Variants in SMAD1 observed in about 807,000 individuals in gnomAD.
SMAD1 encodes the protein MAD, mothers against decapentaplegic homolog 1.
Under a neutral mutation model 41.6 loss-of-function variants are expected in SMAD1, and 6 were observed. The observed-to-expected ratio is 0.14, with a 90% CI of 0.08 to 0.28. The LOEUF (loss-of-function observed/expected upper bound fraction) is 0.28. Ranked by LOEUF, SMAD1 falls within the 10% of genes least tolerant of loss-of-function variation. The pLI is 1.00. For missense variants in SMAD1, 379 were observed against 582.6 expected (o/e 0.65, Z 3.60); for synonymous variants, 206 against 203.2 (o/e 1.01, Z -0.12).
intron 1 of SMAD1, among the ~76,000 whole-genome samples, chr4:145,495,904 C>A (rs148102634): frequency 4.4e-4 from 66 of 151,714 alleles, no homozygotes; most frequent in Non-Finnish European, 8.5e-4. Flanking sequence ...GCCATTGCAC[C>A]TGGGTCAAGA....
Position 145,553,786 on chromosome 4 carries a change from G to A in SMAD1, c.1000G>A (p.Val334Ile). The A allele has an allele frequency of 6.2e-7, 1 of 1,613,610 alleles. No homozygotes were observed. The highest frequency in any genetic ancestry group is 8.5e-7 in the Non-Finnish European group (1 of 1,179,532). The part of the protein sequence containing the change: ...ENTRRHIGKG[V>I]HLYYVGGEVY... ...TGGTATGCTTTGTCTTCCTATAGGA[G>A]TTCATCTTTATTATGTTGGAGGGGA... Residue 334 changes from valine to isoleucine, a missense_variant and splice_region_variant, in exon 6 of 7, where the codon GTT becomes ATT. Around this residue, in one of 3 missense-constraint regions of SMAD1, gnomAD observed 107 missense variants for 218.3 expected, o/e 0.49. Transcript: ENST00000302085.
At chr4:145,556,485 C>CT (rs1732845641) in intron 6 of SMAD1, among the ~76,000 whole-genome samples, 1 of 151,938 alleles carries the variant, frequency 6.6e-6, no homozygotes, top group African/African-American at 2.4e-5. Flanking sequence ...TTAAGACAGT[C>CT]TCGCTCTGTC....
At position 145,481,965 on chromosome 4, in the gene SMAD1, T is replaced by C. The variant is rs1728201060; in HGVS notation, c.-250T>C. The C allele has an allele frequency of 6.6e-6, 1 of 151,764 alleles. No individual in the cohort carries two copies. Among genetic ancestry groups the C allele is most frequent in the Admixed American group, 6.6e-5 (1 of 15,248 alleles). 9.4% of individuals were successfully genotyped at this position (151,764 alleles called of 1,614,324 possible). A position where few individuals can be genotyped will look rare whatever the true frequency, so the allele number is the denominator to read the frequency against. ...CGGAGAGTGGCGCAGCGCCCGGCCGTCCGGACCCGGGCCGCGAGACCCCGC... is the reference window on the plus strand; with the variant it reads ...CGGAGAGTGGCGCAGCGCCCGGCCGCCCGGACCCGGGCCGCGAGACCCCGC... On this transcript the variant is annotated 5_prime_UTR_variant, in exon 1 of 7. Coordinates refer to ENST00000302085, the MANE Select transcript of SMAD1 (RefSeq NM_005900.3).
intron 5 of SMAD1, among the ~76,000 whole-genome samples, chr4:145,548,508 G>T (rs1376395303): frequency 6.6e-6 from 1 of 152,166 alleles, no homozygotes; most frequent in African/African-American, 2.4e-5. Context: ...AATTACAGGT[G>T]TGTGAGCCAC....
At chr4:145,509,796 A>G (rs1729979684) in intron 1 of SMAD1, among the ~76,000 whole-genome samples, 1 of 152,202 alleles carries the variant, frequency 6.6e-6, no homozygotes, top group African/African-American at 2.4e-5. Flanking sequence ...TTAAATGAAA[A>G]TAATACCAAC....
chr4:145,552,664 T>C (rs530847343), intron 5 of SMAD1, among the ~76,000 whole-genome samples: 1 of 152,320 alleles, frequency 6.6e-6, no homozygotes, highest in African/African-American at 2.4e-5. Context: ...ATCTTACAGC[T>C]TTCGGCAATA....
intron 2 of SMAD1, among the ~76,000 whole-genome samples, chr4:145,537,231 C>T (rs1014289744): frequency 1.3e-5 from 2 of 151,964 alleles, no homozygotes; most frequent in Non-Finnish European, 2.9e-5. Context: ...TTAAATTTCC[C>T]AAGTTTGATA....
chr4:145,553,702 A>C, intron 5 of SMAD1, 82 bp from the exon 6 acceptor site: 1 of 1,240,580 alleles, frequency 8.1e-7, no homozygotes. Context: ...TGTATATTTA[A>C]GTTTCTGTGT....
chr4:145,481,733 G>A (rs1439888363), upstream of SMAD1: 5 of 182,756 alleles, frequency 2.7e-5, no homozygotes, highest in Admixed American at 6.0e-5. Context: ...CGGCAGCGGC[G>A]GCGGCGCGCG....
rs1052116551 is a variant in SMAD1, at chr4:145,509,506, A to G, written c.-176-4932A>G. ...ATTTGTTTAAATGTATTTGTTATATATTTTAAAATAGCCCCAAGTTATTTT... is the reference window on the plus strand; with the variant it reads ...ATTTGTTTAAATGTATTTGTTATATGTTTTAAAATAGCCCCAAGTTATTTT... On this transcript the variant is annotated intron_variant, in intron 1 of 6. Coordinates refer to ENST00000302085, the MANE Select transcript of SMAD1 (RefSeq NM_005900.3). Among the ~76,000 whole-genome samples, 3 of 152,152 alleles carry G rather than the reference A, an allele frequency of 2.0e-5. No homozygotes were observed. In the East Asian group the frequency reaches 5.8e-4, roughly 29 times the overall value.
intron 2 of SMAD1, among the ~76,000 whole-genome samples, chr4:145,534,562 G>A (rs369489332): frequency 1.3e-5 from 2 of 152,286 alleles, no homozygotes; most frequent in East Asian, 3.9e-4. Flanking sequence ...TGGTACTGGG[G>A]CACAGACTAG....
At position 145,491,442 on chromosome 4, in the gene SMAD1, AAAG is replaced by A. The variant is rs1382843668; in HGVS notation, c.-177+9408_-177+9410del. Among the ~76,000 whole-genome samples, 27 of 152,278 alleles carry A rather than the reference AAAG, an allele frequency of 1.8e-4. No individual in the cohort carries two copies. In the Middle Eastern group the frequency reaches 0.01, roughly 58 times the overall value. On this transcript the variant is annotated intron_variant, in intron 1 of 6. Coordinates refer to ENST00000302085, the MANE Select transcript of SMAD1 (RefSeq NM_005900.3). Reference sequence around the variant, plus strand: ...TGAGACTGTCTCAAGAAAAAGGAAAAAAGAAGTACAAACTACTAATGAACACAC... The same window carrying A: ...TGAGACTGTCTCAAGAAAAAGGAAAAAAGTACAAACTACTAATGAACACAC...
rs116664232 is a variant in SMAD1, at chr4:145,529,979, A to C, written c.401-9825A>C. 3.7e-3 allele frequency among the ~76,000 whole-genome samples: 557 copies of C among 152,328 alleles called. 3 individuals carry two copies. The highest frequency in any genetic ancestry group is 0.013 in the African/African-American group (540 of 41,562). On this transcript the variant is annotated intron_variant, in intron 2 of 6. Transcript: ENST00000302085. The stretch of plus-strand genomic sequence containing the variant: ...GTCTGAGGGCTGAACTTTGAGAAAG[A>C]CTGGTTTATATGAACCCACTTATAG...
rs928865927 is a variant in SMAD1, at chr4:145,558,089, AAAAAAC to A, written c.*157_*162del. 1.7e-5 allele frequency: 7 copies of A among 413,062 alleles called. No individual in the cohort carries two copies. The highest frequency in any genetic ancestry group is 8.1e-5 in the African/African-American group (4 of 49,636). The allele number at this position is 413,062 out of a possible 1,614,324, so 25.6% of individuals were successfully genotyped here. A position where few individuals can be genotyped will look rare whatever the true frequency, so the allele number is the denominator to read the frequency against. On this transcript the variant is annotated 3_prime_UTR_variant, in exon 7 of 7. Coordinates refer to ENST00000302085, the MANE Select transcript of SMAD1 (RefSeq NM_005900.3). ...ATTCAGAAATTTAAACAAAAAAAAA[AAAAAAC>A]ACACACACCTTGGTAACATACTGTT...
At chr4:145,510,398 A>T (rs746390438) in intron 1 of SMAD1, among the ~76,000 whole-genome samples, 2 of 152,078 alleles carry the variant, frequency 1.3e-5, no homozygotes, top group African/African-American at 4.8e-5. Context: ...TTAAGACTAT[A>T]AATTTCCCTC....
intron 2 of SMAD1, among the ~76,000 whole-genome samples, chr4:145,533,116 G>C (rs1178712686): frequency 6.6e-6 from 1 of 152,202 alleles, no homozygotes; most frequent in African/African-American, 2.4e-5. Context: ...TGTTATTTTA[G>C]AGCAGCACGT....
rs1731817851 is a variant in SMAD1, at chr4:145,539,830, C to T, written c.427C>T (p.His143Tyr). Reference protein sequence around the residue: ...PVLPPVLVPRHSEYNPQHSLL... With the variant: ...PVLPPVLVPRYSEYNPQHSLL... Reference sequence around the variant, plus strand: ...ACTTCCTCCTGTGCTGGTTCCAAGACACAGCGAATATAATCCTCAGCACAG... The same window carrying T: ...ACTTCCTCCTGTGCTGGTTCCAAGATACAGCGAATATAATCCTCAGCACAG... The change falls in exon 3 of 7, where the codon CAC becomes TAC. Residue 143 changes from histidine (H) to tyrosine (Y), a missense_variant. Transcript: ENST00000302085. The T allele has an allele frequency of 1.9e-6, 3 of 1,614,010 alleles. No homozygotes were observed. The highest frequency in any genetic ancestry group is 2.5e-6 in the Non-Finnish European group (3 of 1,179,948).
chr4:145,534,684 T>C (rs72946742), intron 2 of SMAD1, among the ~76,000 whole-genome samples: 2,711 of 152,230 alleles, frequency 0.018, 84 homozygotes, highest in African/African-American at 0.061. Flanking sequence ...TAATGAATGG[T>C]GTTGGGGTTA....
At chr4:145,506,743 A>T (rs981983567) in intron 1 of SMAD1, among the ~76,000 whole-genome samples, 1 of 152,110 alleles carries the variant, frequency 6.6e-6, no homozygotes, top group Non-Finnish European at 1.5e-5. Flanking sequence ...AATGGAAGAG[A>T]GTGTATTTTG....
Sources: allele counts gnomAD v4.1 joint callset (sites outside exome capture counted in the v4.1 genomes callset), GRCh38; gene constraint gnomAD v4.1.1; regional missense constraint gnomAD v4.1.1; transcripts MANE v1.5; gene names NCBI Gene and HGNC (gene_info 2026-07-23, HGNC 2026-07-21).